The following CD2AP variants were observed in gnomAD, a reference collection of about 807,000 sequenced individuals.
The protein encoded by CD2AP is CD2 associated protein, also known as CD2-associated protein.
Under a neutral mutation model 85.1 loss-of-function variants are expected in CD2AP, and 46 were observed. The observed-to-expected ratio is 0.54, with a 90% CI of 0.43 to 0.69. The LOEUF is 0.69. CD2AP is among the 30% of genes least tolerant of loss of function. The probability of loss-of-function intolerance (pLI) is 0.00; values close to 1 mark genes in which losing one functional copy is unlikely to be tolerated. For missense variants in CD2AP, 769 were observed against 729.5 expected (o/e 1.05, Z -0.62); for synonymous variants, 255 against 252.9 (o/e 1.01, Z -0.08).
chr6:47,520,412 G>A (rs987177571), intron 2 of CD2AP, among the ~76,000 whole-genome samples: 7 of 152,252 alleles, frequency 4.6e-5, no homozygotes, highest in African/African-American at 1.7e-4. Context: ...TCTGTTGACA[G>A]TTGTCGGGAG....
rs9473132 is a variant in CD2AP at position 47,554,621 on chromosome 6, G to A, written c.421-25G>A. 0.66 allele frequency: 1,057,327 copies of A among 1,610,834 alleles called. 353,073 individuals carry two copies. The highest frequency in any genetic ancestry group is 0.7 in the Middle Eastern group (4,232 of 6,042). On this transcript the variant is annotated intron_variant, in intron 4 of 17. Coordinates refer to ENST00000359314, the MANE Select transcript of CD2AP (RefSeq NM_012120.3). Reference sequence around the variant, plus strand: ...TTTTCACTTAACAGAAGTTGTTTTTGCTTTTGAATTGTGAACTTTTTCAGG... The same window carrying A: ...TTTTCACTTAACAGAAGTTGTTTTTACTTTTGAATTGTGAACTTTTTCAGG...
chr6:47,605,166 T>C (rs1769235898), intron 13 of CD2AP, among the ~76,000 whole-genome samples: 7 of 152,070 alleles, frequency 4.6e-5, no homozygotes, highest in South Asian at 4.1e-4. Context: ...AATACAGATC[T>C]GGACGATTAG....
chr6:47,484,258 T>G (rs780129555), intron 1 of CD2AP, among the ~76,000 whole-genome samples: 4 of 152,212 alleles, frequency 2.6e-5, no homozygotes, highest in Non-Finnish European at 5.9e-5. Flanking sequence ...GTACTCATTT[T>G]TGAATCATAA....
At chr6:47,491,109 C>A (rs1164339610) in intron 1 of CD2AP, among the ~76,000 whole-genome samples, 1 of 151,964 alleles carries the variant, frequency 6.6e-6, no homozygotes, top group East Asian at 1.9e-4. Context: ...TGACATTAAG[C>A]AATGCTAATC....
chr6:47,579,938 A>G (rs1000073778), intron 9 of CD2AP: 1 of 166,440 alleles, frequency 6.0e-6, no homozygotes, highest in Non-Finnish European at 1.3e-5. Flanking sequence ...TCTCAGAGAA[A>G]AAGTGAGGCT....
chr6:47,517,395 C>T (rs1766481342), intron 2 of CD2AP, among the ~76,000 whole-genome samples: 2 of 151,948 alleles, frequency 1.3e-5, no homozygotes, highest in African/African-American at 4.8e-5. Context: ...TCAAGCGATC[C>T]TCTCACCTCA....
rs1473062381 is a variant in CD2AP, at chr6:47,480,956, G to A, written c.4+2708G>A. Among the ~76,000 whole-genome samples the A allele has an allele frequency of 3.9e-5, 6 of 152,196 alleles. No individual in the cohort carries two copies. The South Asian group carries it at 1.0e-3, about 26-fold the overall frequency. On this transcript the variant is annotated intron_variant, in intron 1 of 17. Transcript: ENST00000359314. Reference sequence around the variant, plus strand: ...CTTAGGAAAAACTCTTAAGTGGGATGACTACTAGTAGACTTATTTGAAGTT... The same window carrying A: ...CTTAGGAAAAACTCTTAAGTGGGATAACTACTAGTAGACTTATTTGAAGTT...
chr6:47,595,892 T>C lies in CD2AP; in HGVS notation c.1140T>C (p.Ser380=). 1 of 1,612,816 alleles carries C rather than the reference T, an allele frequency of 6.2e-7. No individual in the cohort carries two copies. The highest frequency in any genetic ancestry group is 8.5e-7 in the Non-Finnish European group (1 of 1,179,120). The change falls in exon 12 of 18, where the codon TCT becomes TCC. Residue 380 remains serine, a synonymous_variant. Coordinates refer to ENST00000359314, the MANE Select transcript of CD2AP (RefSeq NM_012120.3). ...AATCAACACTGGAACAGAAACCTTC[T>C]AAACCAGCAGCTCCACAAGTCCCAC... ...DEKSTLEQKP[S]KPAAPQVPPK...
Position 47,509,676 on chromosome 6 carries a change from A to G in CD2AP, c.165+6236A>G, listed in dbSNP as rs899694928. ...ATAGATTGTCATGCAGATACTATGG[A>G]AACTGAAGTCAGAATAACTGGATTT... On this transcript the variant is annotated intron_variant, in intron 2 of 17. Coordinates refer to ENST00000359314, the MANE Select transcript of CD2AP (RefSeq NM_012120.3). 1.2e-4 allele frequency among the ~76,000 whole-genome samples: 19 copies of G among 152,234 alleles called. No individual in the cohort carries two copies. In the East Asian group the frequency reaches 3.7e-3, roughly 29 times the overall value.
chr6:47,528,926 T>C (rs1429963751), intron 2 of CD2AP, among the ~76,000 whole-genome samples: 4 of 152,192 alleles, frequency 2.6e-5, no homozygotes, highest in Non-Finnish European at 4.4e-5. Flanking sequence ...CTTTTGCAAA[T>C]ATTTTCTCCC....
chr6:47,494,412 A>G (rs1488803904), intron 1 of CD2AP, among the ~76,000 whole-genome samples: 3 of 152,144 alleles, frequency 2.0e-5, no homozygotes, highest in African/African-American at 7.2e-5. Context: ...AAGGGGAAAT[A>G]TACTATTATA....
chr6:47,555,006 G>C (rs889162500), intron 5 of CD2AP, among the ~76,000 whole-genome samples: 2 of 152,062 alleles, frequency 1.3e-5, no homozygotes, highest in African/African-American at 4.8e-5. Context: ...TTAGTACCCT[G>C]AGTTTAAAAT....
chr6:47,557,627 G>A (rs1231067982), intron 5 of CD2AP, among the ~76,000 whole-genome samples: 1 of 152,302 alleles, frequency 6.6e-6, no homozygotes, highest in African/African-American at 2.4e-5. Flanking sequence ...TCAAAGATCA[G>A]GTGGTTGTAG....
At chr6:47,614,121 A>G (rs1044952012) in intron 17 of CD2AP, among the ~76,000 whole-genome samples, 6 of 152,344 alleles carry the variant, frequency 3.9e-5, no homozygotes, top group African/African-American at 1.4e-4. Flanking sequence ...ACTTTCCTTC[A>G]TATCAACAAT....
chr6:47,554,772 C>G lies in CD2AP; in HGVS notation c.541+6C>G. On this transcript the variant is annotated splice_donor_region_variant and intron_variant, in intron 5 of 17. Coordinates refer to ENST00000359314, the MANE Select transcript of CD2AP (RefSeq NM_012120.3). ...TGAAGCCCAGGACGATTCAGGTAGA[C>G]TATTTTTTAAAATTTTTAATTGATT... is the stretch of plus-strand genomic sequence containing the variant. 1 of 1,604,044 alleles carries G rather than the reference C, an allele frequency of 6.2e-7. No homozygotes were observed. The highest frequency in any genetic ancestry group is 8.5e-7 in the Non-Finnish European group (1 of 1,174,458).
At chr6:47,610,949 T>TTATATATATATATATATATATATA (rs10580325) in intron 16 of CD2AP, among the ~76,000 whole-genome samples, 20 of 114,210 alleles carry the variant, frequency 1.8e-4, no homozygotes, top group African/African-American at 4.8e-4. Context: ...TATTTCTGAT[T>TTATATATATATATATATATATATA]TATATATATA....
In CD2AP at chr6:47,489,814, C is replaced by CGA. The variant is rs563881014; in HGVS notation, c.4+11566_4+11567insGA. ...TCGTCCTCTTAATTATATCTTAAAA[C>CGA]ATTTTGAGAAGGAAGATTGTTGAGT... is the stretch of plus-strand genomic sequence containing the variant. On this transcript the variant is annotated intron_variant, in intron 1 of 17. Coordinates refer to ENST00000359314, the MANE Select transcript of CD2AP (RefSeq NM_012120.3). 1.1e-3 allele frequency among the ~76,000 whole-genome samples: 160 copies of CGA among 152,234 alleles called. No homozygotes were observed. The South Asian group carries it at 0.011, about 11-fold the overall frequency.
At chr6:47,574,908 C>T (rs947454159) in intron 6 of CD2AP, among the ~76,000 whole-genome samples, 2 of 152,106 alleles carry the variant, frequency 1.3e-5, no homozygotes, top group Non-Finnish European at 2.9e-5. Context: ...ACAGTTCCTT[C>T]TATCAGTCCT....
At chr6:47,617,619 C>T (rs7765942) in intron 17 of CD2AP, among the ~76,000 whole-genome samples, 149,532 of 152,306 alleles carry the variant, frequency 0.98, 73,477 homozygotes, top group Middle Eastern at 1. Context: ...CCATTCACTT[C>T]TAGTCCTATT....
Sources: gnomAD v4.1 joint callset for allele counts (sites outside exome capture counted in the v4.1 genomes callset) on GRCh38, gnomAD v4.1.1 for gene constraint, MANE v1.5 for transcripts, NCBI Gene and HGNC (gene_info 2026-07-23, HGNC 2026-07-21) for gene names.